RBFOX1: variants seen among roughly 807,000 people sequenced by gnomAD.
The protein encoded by RBFOX1 is RNA binding fox-1 homolog 1.
In RBFOX1, 8 loss-of-function variants were observed where a neutral mutation model predicts 57.7. That is an observed-to-expected ratio of 0.14 (90% CI 0.08 to 0.25). RBFOX1 has a LOEUF of 0.25. RBFOX1 is among the 10% of genes least tolerant of loss of function. The probability of loss-of-function intolerance (pLI) is 1.00; values close to 1 mark genes in which losing one functional copy is unlikely to be tolerated. For missense variants in RBFOX1, 611 were observed against 548.5 expected, an observed-to-expected ratio of 1.11 and a Z score of -1.14; for synonymous variants, 326 against 222.4, an observed-to-expected ratio of 1.47 and a Z score of -4.15.
At chr16:7,462,062 G>T (rs889132453) in intron 4 of RBFOX1, among the ~76,000 whole-genome samples, 11 of 152,226 alleles carry the variant, frequency 7.2e-5, no homozygotes, top group African/African-American at 2.2e-4. Flanking sequence ...CAATAGAACT[G>T]TGAAAATCTT....
intron 3 of RBFOX1, among the ~76,000 whole-genome samples, chr16:6,914,683 G>C (rs2072653166): frequency 6.6e-6 from 1 of 152,160 alleles, no homozygotes; most frequent in Admixed American, 6.5e-5. Context: ...AGATCAGCCT[G>C]GCCAACATAG....
At position 5,965,951 on chromosome 16, in the gene RBFOX1, C is replaced by G. The variant is rs138887356; in HGVS notation, c.351+98616C>G. 5.2e-3 allele frequency among the ~76,000 whole-genome samples: 795 copies of G among 152,292 alleles called. 10 individuals are homozygous for G. Among genetic ancestry groups the G allele is most frequent in the African/African-American group, 0.018 (768 of 41,558 alleles). On this transcript the variant is annotated intron_variant, in intron 4 of 19. Coordinates refer to the RBFOX1 transcript ENST00000641259. ...CCCAGAAGATCTGGATGTTATCCACCTGGCTGTGAAATGTTTCGGCCAAGG... is the reference window on the plus strand; with the variant it reads ...CCCAGAAGATCTGGATGTTATCCACGTGGCTGTGAAATGTTTCGGCCAAGG...
intron 10 of RBFOX1, among the ~76,000 whole-genome samples, chr16:7,609,803 T>TTTTG (rs138776547): frequency 0.31 from 46,936 of 150,030 alleles, 7,749 homozygotes; most frequent in African/African-American, 0.41. Context: ...ACTGGTGGGG[T>TTTTG]TTTGTTTGTT....
rs146673905 is a variant in RBFOX1 at position 6,967,128 on chromosome 16, A to T, written c.-15-84929A>T. Among the ~76,000 whole-genome samples, 7 of 151,956 alleles carry T rather than the reference A, an allele frequency of 4.6e-5. 1 individual carries two copies. Among genetic ancestry groups the T allele is most frequent in the Admixed American group, 4.6e-4 (7 of 15,256 alleles). ...ACACTCATTCATCCATTACTTATCT[A>T]TTTAAACATTCATCCATTCATCATC... is the stretch of plus-strand genomic sequence containing the variant. On this transcript the variant is annotated intron_variant, in intron 3 of 15. Coordinates refer to ENST00000550418, the MANE Select transcript of RBFOX1 (RefSeq NM_018723.4).
At chr16:7,564,854 C>T (rs946917033) in intron 5 of RBFOX1, among the ~76,000 whole-genome samples, 3 of 152,120 alleles carry the variant, frequency 2.0e-5, no homozygotes, top group African/African-American at 7.2e-5. Flanking sequence ...CCTTCTCTGT[C>T]CTCCAGCCCT....
chr16:5,663,418 T>G (rs2049723219), intron 3 of RBFOX1, among the ~76,000 whole-genome samples: 1 of 151,754 alleles, frequency 6.6e-6, no homozygotes, highest in African/African-American at 2.4e-5. Flanking sequence ...TTGGCCAGGC[T>G]GTCCTCAAAC....
intron 3 of RBFOX1, among the ~76,000 whole-genome samples, chr16:6,884,503 G>A (rs2063575652): frequency 6.6e-6 from 1 of 152,108 alleles, no homozygotes; most frequent in South Asian, 2.1e-4. Flanking sequence ...CCATTTGCAA[G>A]GAACTGTGTT....
chr16:6,443,524 G>C (rs1010118848), intron 2 of RBFOX1, among the ~76,000 whole-genome samples: 1 of 152,166 alleles, frequency 6.6e-6, no homozygotes, highest in East Asian at 1.9e-4. Flanking sequence ...TCAAGGATGT[G>C]AGCAGGAGCC....
chr16:7,175,719 C>T (rs1164222833), intron 4 of RBFOX1, among the ~76,000 whole-genome samples: 2 of 152,196 alleles, frequency 1.3e-5, no homozygotes, highest in Non-Finnish European at 2.9e-5. Context: ...CTCTTCCAGC[C>T]ACGCAGTAGT....
intron 4 of RBFOX1, among the ~76,000 whole-genome samples, chr16:7,069,452 G>C (rs921299566): frequency 1.3e-5 from 2 of 152,158 alleles, no homozygotes; most frequent in Admixed American, 6.5e-5. Flanking sequence ...GCGGTGTTCA[G>C]TTTTCTGTTC....
intron 1 of RBFOX1, among the ~76,000 whole-genome samples, chr16:6,242,214 G>T (rs187941672): frequency 6.6e-6 from 1 of 152,094 alleles, no homozygotes; most frequent in African/African-American, 2.4e-5. Context: ...CTATAAGACT[G>T]ATAAGTACAT....
intron 3 of RBFOX1, among the ~76,000 whole-genome samples, chr16:5,659,896 T>C (rs2049589546): frequency 6.6e-6 from 1 of 152,228 alleles, no homozygotes; most frequent in Admixed American, 6.5e-5. Flanking sequence ...CTTGAAATTA[T>C]GGTGGTTATT....
At chr16:7,611,613 G>A (rs902287450) in intron 10 of RBFOX1, among the ~76,000 whole-genome samples, 1 of 149,876 alleles carries the variant, frequency 6.7e-6, no homozygotes, top group African/African-American at 2.4e-5. Flanking sequence ...ATTGATTTTT[G>A]TATGTAATGT....
rs936978933 is a variant in RBFOX1, at chr16:6,226,660, C to T, written c.-126-90335C>T. ...CATTGGCCTCCAAGAGCATTTTCTC[C>T]CCAAACCTCTTAAGGGGTTTATATG... On this transcript the variant is annotated intron_variant, in intron 1 of 15. Coordinates refer to ENST00000550418, the MANE Select transcript of RBFOX1 (RefSeq NM_018723.4). 3.9e-5 allele frequency among the ~76,000 whole-genome samples: 6 copies of T among 152,178 alleles called. No homozygotes were observed. The South Asian group carries it at 6.2e-4, about 16-fold the overall frequency.
Position 6,677,034 on chromosome 16 carries a change from A to G in RBFOX1, c.-16+22384A>G, listed in dbSNP as rs540297143. On this transcript the variant is annotated intron_variant, in intron 3 of 15. Transcript: ENST00000550418. ...ACCAAAAGACTTGAAAAAGAATAAA[A>G]GGCACTTTTAAGTACTAAATGCTTT... Among the ~76,000 whole-genome samples the G allele has an allele frequency of 4.6e-5, 7 of 152,298 alleles. No individual in the cohort carries two copies. In the South Asian group the frequency reaches 1.0e-3, roughly 23 times the overall value.
intron 4 of RBFOX1, among the ~76,000 whole-genome samples, chr16:7,290,644 C>A (rs1397720911): frequency 6.6e-6 from 1 of 152,196 alleles, no homozygotes. Flanking sequence ...TAACAAGCAT[C>A]CACTACAGTA....
chr16:7,516,000 A>T (rs13331552), intron 4 of RBFOX1, among the ~76,000 whole-genome samples: 1 of 151,986 alleles, frequency 6.6e-6, no homozygotes, highest in African/African-American at 2.4e-5. Context: ...ATGTGCCACC[A>T]TGCCCGGCTA....
chr16:5,799,664 C>G (rs2054995553), intron 3 of RBFOX1, among the ~76,000 whole-genome samples: 1 of 152,042 alleles, frequency 6.6e-6, no homozygotes, highest in Admixed American at 6.5e-5. Flanking sequence ...TGAGTGTGTT[C>G]AAGGTAGGCT....
At chr16:7,038,205 C>T (rs114938529) in intron 3 of RBFOX1, among the ~76,000 whole-genome samples, 3,477 of 152,110 alleles carry the variant, frequency 0.023, 134 homozygotes, top group African/African-American at 0.078. Context: ...CCCAGGAGAC[C>T]GGTTCAGGGA....
Sources: allele counts gnomAD v4.1 joint callset (sites outside exome capture counted in the v4.1 genomes callset), GRCh38; gene constraint gnomAD v4.1.1; transcripts MANE v1.5; gene names NCBI Gene and HGNC (gene_info 2026-07-23, HGNC 2026-07-21).